Variants in WDR3 observed in about 807,000 individuals in gnomAD.
WDR3 encodes the protein WD repeat-containing protein 3.
Under a neutral mutation model 123.7 loss-of-function variants are expected in WDR3, and 81 were observed. The ratio of observed to expected loss-of-function variants is 0.65; its 90% CI spans 0.55 to 0.79. The LOEUF (loss-of-function observed/expected upper bound fraction) is 0.79. Ranked by LOEUF, WDR3 falls within the 30% of genes least tolerant of loss-of-function variation. The pLI is 0.00. For missense variants in WDR3, 1,027 were observed against 1,123.2 expected, an observed-to-expected ratio of 0.91 and a Z score of 1.22; for synonymous variants, 390 against 388.8, an observed-to-expected ratio of 1.00 and a Z score of -0.04.
chr1:117,952,555 G>A lies in WDR3; in HGVS notation c.2044G>A (p.Ala682Thr). Residue 682 changes from alanine to threonine, a missense_variant, in exon 19 of 27, where the codon GCT becomes ACT. Ala to Thr is a moderately conservative substitution (Grantham distance 58). Coordinates refer to ENST00000349139, the MANE Select transcript of WDR3 (RefSeq NM_006784.3). Reference sequence around the variant, plus strand: ...TCATCACCAGGAAATATGGTGTTTGGCTGTAAGCCCCAGTGGAGACTATGT... The same window carrying A: ...TCATCACCAGGAAATATGGTGTTTGACTGTAAGCCCCAGTGGAGACTATGT... ...EGHHQEIWCL[A>T]VSPSGDYVVS... 1 of 1,612,998 alleles carries A rather than the reference G, an allele frequency of 6.2e-7. No homozygotes were observed.
intron 17 of WDR3, 95 bp from the exon 18 acceptor site, chr1:117,952,202 C>A: frequency 7.0e-7 from 1 of 1,427,984 alleles, no homozygotes. Context: ...AGTCAGACAC[C>A]CTAGAACTAG....
chr1:117,958,795 T>A, intron 25 of WDR3, 115 bp from the exon 26 acceptor site: 1 of 637,044 alleles, frequency 1.6e-6, no homozygotes, highest in Non-Finnish European at 2.5e-6. Flanking sequence ...CTCGAAACAT[T>A]TCTATAATGT....
rs965695800 is a variant in WDR3 at position 117,961,338 on chromosome 1, ACCCAT to A, written c.*1892_*1896del. On this transcript the variant is annotated 3_prime_UTR_variant, in exon 27 of 27. Coordinates refer to ENST00000349139, the MANE Select transcript of WDR3 (RefSeq NM_006784.3). ...ATAACAGTGGAGCCAAGTGGTTAAAACCCATGTTCAACGGATTGTCTACTGTATAT... is the reference window on the plus strand; with the variant it reads ...ATAACAGTGGAGCCAAGTGGTTAAAAGTTCAACGGATTGTCTACTGTATAT... 25 of 152,120 alleles carry A rather than the reference ACCCAT, an allele frequency of 1.6e-4. No homozygotes were observed. Among genetic ancestry groups the A allele is most frequent in the Admixed American group, 1.2e-3 (18 of 15,280 alleles). The allele number at this position is 152,120 out of a possible 1,614,324, so 9.4% of individuals were successfully genotyped here.
chr1:117,930,305 G>A (rs776458463), intron 1 of WDR3, among the ~76,000 whole-genome samples: 6 of 152,162 alleles, frequency 3.9e-5, no homozygotes, highest in Non-Finnish European at 8.8e-5. Flanking sequence ...AAATATCGAG[G>A]CGATGAAAAA....
Position 117,952,565 on chromosome 1 carries a change from C to G in WDR3, c.2054C>G (p.Pro685Arg). 6.2e-7 allele frequency: 1 copy of G among 1,613,392 alleles called. No individual in the cohort carries two copies. The highest frequency in any genetic ancestry group is 1.3e-5 in the African/African-American group (1 of 74,996). Residue 685 changes from proline to arginine, a missense_variant, in exon 19 of 27, where the codon CCC becomes CGC. Physicochemically the swap from Pro to Arg is moderately radical, Grantham distance 103 (BLOSUM62 -2). Coordinates refer to ENST00000349139, the MANE Select transcript of WDR3 (RefSeq NM_006784.3). The stretch of plus-strand genomic sequence containing the variant: ...GAAATATGGTGTTTGGCTGTAAGCC[C>G]CAGTGGAGACTATGTTGTATCATCG... ...HQEIWCLAVS[P>R]SGDYVVSSSH...
In WDR3 at chr1:117,958,904, TA is replaced by T; in HGVS notation, c.2583-5del. On this transcript the variant is annotated splice_polypyrimidine_tract_variant and splice_region_variant and intron_variant, in intron 25 of 26. Transcript: ENST00000349139. ...GCAACATGGCTGTGTTTTGTTTTTCTATCAGGATTCACTTTGGACAGATCAC... is the reference window on the plus strand; with the variant it reads ...GCAACATGGCTGTGTTTTGTTTTTCTTCAGGATTCACTTTGGACAGATCAC... 1 of 1,612,956 alleles carries T rather than the reference TA, an allele frequency of 6.2e-7. No homozygotes were observed. Among genetic ancestry groups the T allele is most frequent in the Non-Finnish European group, 8.5e-7 (1 of 1,179,404 alleles).
chr1:117,935,451 A>G (rs557271154), intron 3 of WDR3, among the ~76,000 whole-genome samples: 1 of 152,170 alleles, frequency 6.6e-6, no homozygotes, highest in African/African-American at 2.4e-5. Context: ...TGATACTTCA[A>G]TGCAAGTACC....
At chr1:117,954,738 T>C (rs1252087878) in intron 23 of WDR3, 111 bp downstream of exon 23, 2 of 1,105,662 alleles carry the variant, frequency 1.8e-6, no homozygotes, top group African/African-American at 3.2e-5. Context: ...GAATACTTTG[T>C]CTTCAAAAGT....
chr1:117,941,630 G>A (rs894656066), intron 8 of WDR3, 120 bp from the exon 9 acceptor site: 11 of 1,255,382 alleles, frequency 8.8e-6, no homozygotes, highest in Non-Finnish European at 1.2e-5. Context: ...AGATTAAGTT[G>A]TCCAAGGTAA....
chr1:117,933,553 A>G (rs1650809574), intron 2 of WDR3, 63 bp downstream of exon 2: 1 of 1,595,340 alleles, frequency 6.3e-7, no homozygotes, highest in Admixed American at 1.7e-5. Context: ...GAGGTAGTAG[A>G]AGTGGGGGGG....
intron 2 of WDR3, 140 bp from the exon 3 acceptor site, chr1:117,934,333 T>G: frequency 1.4e-6 from 1 of 739,004 alleles, no homozygotes; most frequent in Non-Finnish European, 2.2e-6. Flanking sequence ...TTGAAATGGA[T>G]TGTGGAGTTT....
intron 25 of WDR3, among the ~76,000 whole-genome samples, chr1:117,957,699 T>TTTG (rs138062448): frequency 6.6e-6 from 1 of 152,228 alleles, no homozygotes; most frequent in African/African-American, 2.4e-5. Flanking sequence ...TTGTGATTTC[T>TTTG]TTGTTGTTGT....
In WDR3 at chr1:117,952,663, G is replaced by A. The variant is rs1299332981; in HGVS notation, c.2151+1G>A. ...TATTCTTGAGGAAGAAAGGGAGATG[G>A]TAAGAACTTTAGGCTTGGTTACAAA... On this transcript the variant is annotated splice_donor_variant, in intron 19 of 26. Transcript: ENST00000349139. LOFTEE classifies it high-confidence loss of function. 1.2e-6 allele frequency: 2 copies of A among 1,611,378 alleles called. No individual in the cohort carries two copies.
chr1:117,953,661 G>C (rs1396737620), intron 21 of WDR3, 120 bp downstream of exon 21: 7 of 906,076 alleles, frequency 7.7e-6, no homozygotes, highest in Non-Finnish European at 1.2e-5. Flanking sequence ...GAGATTTAAA[G>C]ATGGGGATTA....
chr1:117,942,889 G>GTT lies in WDR3; in HGVS notation c.1097+368_1097+369dup, dbSNP rs751258995. 8.0e-3 allele frequency among the ~76,000 whole-genome samples: 935 copies of GTT among 116,694 alleles called. 19 individuals are homozygous for GTT. The highest frequency in any genetic ancestry group is 0.036 in the East Asian group (131 of 3,680). The allele number at this position is 116,694 out of a possible 152,430, so 76.6% of individuals were successfully genotyped here. A position where few individuals can be genotyped will look rare whatever the true frequency, so the allele number is the denominator to read the frequency against. On this transcript the variant is annotated intron_variant, in intron 10 of 26. Transcript: ENST00000349139. ...GTATCAGAACCAGGATCTGAGCCTA[G>GTT]TTTTTTTTTTTTTTTTTTTTTTTTA...
At chr1:117,956,972 T>C in intron 24 of WDR3, 96 bp from the exon 25 acceptor site, 1 of 1,101,390 alleles carries the variant, frequency 9.1e-7, no homozygotes, top group African/African-American at 1.6e-5. Context: ...AAGTATAAAA[T>C]CAGTAGAAAA....
intron 16 of WDR3, 46 bp downstream of exon 16, chr1:117,950,936 A>T: frequency 6.7e-7 from 1 of 1,484,352 alleles, no homozygotes; most frequent in African/African-American, 1.4e-5. Flanking sequence ...TCTTTTTTAC[A>T]GCAGATACTT....
chr1:117,934,400 T>G, intron 2 of WDR3, 73 bp from the exon 3 acceptor site: 9 of 1,428,738 alleles, frequency 6.3e-6, no homozygotes, highest in Middle Eastern at 2.5e-4. Flanking sequence ...TTACTGTGCC[T>G]GAGTATTCCT....
In WDR3 at chr1:117,961,313, AT is replaced by A. The variant is rs1452297287; in HGVS notation, c.*1867del. 1.3e-5 allele frequency: 2 copies of A among 152,160 alleles called. No individual in the cohort carries two copies. Among genetic ancestry groups the A allele is most frequent in the Admixed American group, 6.5e-5 (1 of 15,270 alleles). The allele number at this position is 152,160 out of a possible 1,614,324, so 9.4% of individuals were successfully genotyped here. ...ATAATAATAGTAAAAAAAAATCTGT[AT>A]AACAGTGGAGCCAAGTGGTTAAAAC... On this transcript the variant is annotated 3_prime_UTR_variant, in exon 27 of 27. Transcript: ENST00000349139.
Sources: gnomAD v4.1 joint callset for allele counts (sites outside exome capture counted in the v4.1 genomes callset) on GRCh38, gnomAD v4.1.1 for gene constraint, MANE v1.5 for transcripts, NCBI Gene and HGNC (gene_info 2026-07-23, HGNC 2026-07-21) for gene names.